MCM8: variants seen among roughly 807,000 people sequenced by gnomAD.
MCM8 encodes minichromosome maintenance 8 homologous recombination repair factor.
A neutral mutation model predicts 98.9 loss-of-function variants in MCM8; 85 were observed. That is an observed-to-expected ratio of 0.86 (90% CI 0.72 to 1.03). The LOEUF is 1.03. MCM8 is among the 50% of genes least tolerant of loss of function. MCM8 has a pLI of 0.00. For missense variants in MCM8, 951 were observed against 997.8 expected, an observed-to-expected ratio of 0.95 and a Z score of 0.63; for synonymous variants, 352 against 338.6, an observed-to-expected ratio of 1.04 and a Z score of -0.44.
rs1209286897 is a variant in MCM8 at position 5,998,482 on chromosome 20, A to G, written c.*4091A>G. ...ATTCTTGCAGTCAGTTGTTGAGGCA[A>G]GTGGCGTGGTGGATGCAACCCTGAT... On this transcript the variant is annotated 3_prime_UTR_variant, in exon 19 of 19. Coordinates refer to ENST00000610722, the MANE Select transcript of MCM8 (RefSeq NM_032485.6). 1 of 152,264 alleles carries G rather than the reference A, an allele frequency of 6.6e-6. No individual in the cohort carries two copies. Among genetic ancestry groups the G allele is most frequent in the Non-Finnish European group, 1.5e-5 (1 of 68,078 alleles). The allele number at this position is 152,264 out of a possible 1,614,324, so 9.4% of individuals were successfully genotyped here.
intron 8 of MCM8, among the ~76,000 whole-genome samples, chr20:5,967,095 G>A (rs2089291137): frequency 6.6e-6 from 1 of 152,180 alleles, no homozygotes; most frequent in Non-Finnish European, 1.5e-5. Flanking sequence ...TTTTGCCCAT[G>A]TGTATTCTGG....
At position 5,952,101 on chromosome 20, in the gene MCM8, G is replaced by C; in HGVS notation, c.86G>C (p.Gly29Ala). Residue 29 changes from glycine to alanine, a missense_variant, in exon 2 of 19, where the codon GGA (glycine) becomes GCA (alanine). Transcript: ENST00000610722. ...KRGRGGGNFS[G>A]KWREREHRPD... ...GGAAGAGGTGGTGGGAACTTCTCAG[G>C]AAAATGGAGAGAAAGAGAACACAGA... is the stretch of plus-strand genomic sequence containing the variant. 1 of 1,614,054 alleles carries C rather than the reference G, an allele frequency of 6.2e-7. No individual in the cohort carries two copies. Among genetic ancestry groups the C allele is most frequent in the South Asian group, 1.1e-5 (1 of 91,088 alleles).
At chr20:5,957,325 T>A in intron 6 of MCM8, 96 bp downstream of exon 6, 3 of 802,964 alleles carry the variant, frequency 3.7e-6, no homozygotes, top group Non-Finnish European at 5.8e-6. Context: ...AGGAAATCAG[T>A]AAAAAGGACA....
At chr20:5,954,574 A>G (rs772512183) in intron 3 of MCM8, 34 bp from the exon 4 acceptor site, 2 of 1,250,576 alleles carry the variant, frequency 1.6e-6, no homozygotes, top group South Asian at 2.4e-5. Flanking sequence ...TACCTGTGTG[A>G]TTATTTGTGC....
chr20:5,955,600 A>G (rs577488068), intron 5 of MCM8, among the ~76,000 whole-genome samples: 1 of 152,328 alleles, frequency 6.6e-6, no homozygotes, highest in Admixed American at 6.5e-5. Context: ...TCGGTTATGA[A>G]CTTAGAGCAA....
chr20:5,994,750 A>AAAT lies in MCM8; in HGVS notation c.*360_*362dup. 2 of 452,392 alleles carry AAAT rather than the reference A, an allele frequency of 4.4e-6. No homozygotes were observed. The highest frequency in any genetic ancestry group is 2.0e-5 in the African/African-American group (1 of 49,628). 28.0% of individuals were successfully genotyped at this position (452,392 alleles called of 1,614,324 possible). A position where few individuals can be genotyped will look rare whatever the true frequency, so the allele number is the denominator to read the frequency against. On this transcript the variant is annotated 3_prime_UTR_variant, in exon 19 of 19. Transcript: ENST00000610722. ...CCCATTTCTTAAAAAAAAAAAAAAAAAATTTAAACTTAGCTGGGTATGGTG... is the reference window on the plus strand; with the variant it reads ...CCCATTTCTTAAAAAAAAAAAAAAAAAATAATTTAAACTTAGCTGGGTATGGTG...
At chr20:5,978,092 A>G in intron 13 of MCM8, 75 bp downstream of exon 13, 1 of 1,555,732 alleles carries the variant, frequency 6.4e-7, no homozygotes, top group Non-Finnish European at 8.8e-7. Context: ...TAATTTCTTT[A>G]CATTCTGTTT....
rs750506378 is a variant in MCM8 at position 5,982,966 on chromosome 20, G to A, written c.1538-4G>A. ...TTTTCTGCTTTATTCTACTTCGATTGTAGGTATTTGTGGAATCGATGAATT... is the reference window on the plus strand; with the variant it reads ...TTTTCTGCTTTATTCTACTTCGATTATAGGTATTTGTGGAATCGATGAATT... On this transcript the variant is annotated splice_region_variant and splice_polypyrimidine_tract_variant and intron_variant, in intron 13 of 18. Coordinates refer to ENST00000610722, the MANE Select transcript of MCM8 (RefSeq NM_032485.6). 4 of 1,603,982 alleles carry A rather than the reference G, an allele frequency of 2.5e-6. No homozygotes were observed. Among genetic ancestry groups the A allele is most frequent in the Non-Finnish European group, 3.4e-6 (4 of 1,177,124 alleles).
In MCM8 at chr20:5,993,546, T is replaced by A; in HGVS notation, c.2281T>A (p.Phe761Ile). ...TYSDEFGNLD[F>I]ERSQHGSGMS... Reference sequence around the variant, plus strand: ...CTCTGATGAATTTGGGAACCTAGATTTTGAGCGATCCCAGCATGGTTCTGG... The same window carrying A: ...CTCTGATGAATTTGGGAACCTAGATATTGAGCGATCCCAGCATGGTTCTGG... The change falls in exon 18 of 19, where the codon TTT becomes ATT. Residue 761 changes from phenylalanine (F) to isoleucine (I), a missense_variant. Phe to Ile is a conservative substitution (Grantham distance 21, BLOSUM62 0). Transcript: ENST00000610722. The A allele has an allele frequency of 6.3e-7, 1 of 1,584,874 alleles. No individual in the cohort carries two copies.
intron 17 of MCM8, among the ~76,000 whole-genome samples, chr20:5,990,434 G>C (rs2089827882): frequency 1.3e-5 from 2 of 152,166 alleles, no homozygotes; most frequent in Non-Finnish European, 2.9e-5. Context: ...ACTAGGGTTT[G>C]AGGGATCTTG....
At chr20:5,954,089 C>T (rs2088908374) in intron 3 of MCM8, among the ~76,000 whole-genome samples, 1 of 151,854 alleles carries the variant, frequency 6.6e-6, no homozygotes, top group African/African-American at 2.4e-5. Context: ...TTCCAAACTA[C>T]TTTATTGTAC....
At chr20:5,981,836 A>G (rs2089636110) in intron 13 of MCM8, among the ~76,000 whole-genome samples, 1 of 152,232 alleles carries the variant, frequency 6.6e-6, no homozygotes, top group African/African-American at 2.4e-5. Flanking sequence ...AAATAGCTCA[A>G]AACAAAAAGA....
At chr20:5,980,851 A>T (rs1447214864) in intron 13 of MCM8, among the ~76,000 whole-genome samples, 1 of 150,312 alleles carries the variant, frequency 6.7e-6, no homozygotes, top group African/African-American at 2.5e-5. Context: ...CAGCCTGGGT[A>T]ACAGAACGAA....
intron 8 of MCM8, among the ~76,000 whole-genome samples, chr20:5,963,968 A>G (rs1010711471): frequency 2.0e-5 from 3 of 152,230 alleles, no homozygotes; most frequent in African/African-American, 7.2e-5. Flanking sequence ...TATAGGCCAT[A>G]AGCAAAGCTG....
intron 3 of MCM8, 58 bp from the exon 4 acceptor site, chr20:5,954,550 G>GA: frequency 1.0e-6 from 1 of 991,146 alleles, no homozygotes. Context: ...TTTGTCTCAT[G>GA]AAAAATGTGC....
chr20:5,971,878 T>G, intron 10 of MCM8, 129 bp from the exon 11 acceptor site: 2 of 667,540 alleles, frequency 3.0e-6, no homozygotes, highest in Non-Finnish European at 5.1e-6. Flanking sequence ...AAAATTTCAG[T>G]TGAGGGGATG....
chr20:5,973,269 C>A, intron 12 of MCM8, 73 bp downstream of exon 12: 1 of 1,580,490 alleles, frequency 6.3e-7, no homozygotes, highest in Non-Finnish European at 8.7e-7. Flanking sequence ...TGAATTTTCT[C>A]AAAGCATGTA....
At chr20:5,957,965 A>G (rs2089030740) in intron 6 of MCM8, among the ~76,000 whole-genome samples, 1 of 152,192 alleles carries the variant, frequency 6.6e-6, no homozygotes, top group South Asian at 2.1e-4. Flanking sequence ...AGGTTTTTGA[A>G]TCTGTAGATT....
intron 13 of MCM8, 42 bp from the exon 14 acceptor site, chr20:5,982,928 A>G: frequency 6.5e-7 from 1 of 1,546,660 alleles, no homozygotes; most frequent in African/African-American, 1.4e-5. Flanking sequence ...AACTTGACCA[A>G]AGAAAAAATG....
Sources: gnomAD v4.1 joint callset for allele counts (sites outside exome capture counted in the v4.1 genomes callset) on GRCh38, gnomAD v4.1.1 for gene constraint, MANE v1.5 for transcripts, NCBI Gene and HGNC (gene_info 2026-07-23, HGNC 2026-07-21) for gene names.